The following SLIT3 variants were observed in gnomAD, a reference collection of about 807,000 sequenced individuals.
SLIT3 encodes slit guidance ligand 3, also known as slit homolog 3 protein.
Under a neutral mutation model 184.0 loss-of-function variants are expected in SLIT3, and 68 were observed. The observed-to-expected ratio is 0.37, with a 90% confidence interval of 0.30 to 0.45. SLIT3 has a LOEUF of 0.45. SLIT3 is among the 20% of genes least tolerant of loss of function. SLIT3 has a pLI of 1.00. For synonymous variants in SLIT3, 831 were observed against 828.6 expected (o/e 1.00, Z -0.05); for missense variants, 1,707 against 2,026.0 (o/e 0.84, Z 3.02).
intron 4 of SLIT3, among the ~76,000 whole-genome samples, chr5:169,006,221 T>C (rs1195575804): frequency 2.6e-5 from 4 of 152,212 alleles, no homozygotes; most frequent in Admixed American, 2.6e-4. Context: ...TCCTCTGAAT[T>C]TGGGTATATG....
intron 4 of SLIT3, among the ~76,000 whole-genome samples, chr5:169,157,044 C>G (rs569070181): frequency 6.6e-6 from 1 of 152,100 alleles, no homozygotes; most frequent in Non-Finnish European, 1.5e-5. Flanking sequence ...TGGCCCCCCC[C>G]ACCTCCACCA....
chr5:169,168,090 C>T (rs1190793936), intron 4 of SLIT3, among the ~76,000 whole-genome samples: 6 of 152,126 alleles, frequency 3.9e-5, no homozygotes, highest in Non-Finnish European at 7.3e-5. Flanking sequence ...GTGGGAGCTC[C>T]TCCCCATCTC....
intron 3 of SLIT3, among the ~76,000 whole-genome samples, chr5:169,202,510 C>T (rs1052212780): frequency 6.6e-6 from 1 of 152,172 alleles, no homozygotes; most frequent in African/African-American, 2.4e-5. Context: ...GTCTCTTGGA[C>T]ACTAAAACCT....
intron 3 of SLIT3, among the ~76,000 whole-genome samples, chr5:169,243,504 G>A (rs1264742231): frequency 6.6e-6 from 1 of 152,104 alleles, no homozygotes; most frequent in African/African-American, 2.4e-5. Context: ...ACATATGCTG[G>A]GATTTGACCC....
rs150811275 is a variant in SLIT3 at position 169,194,400 on chromosome 5, A to G, written c.342-850T>C. The stretch of plus-strand genomic sequence containing the variant: ...CACCTTGGACTGAGGAACAAAATGG[A>G]ATTCTGGCCATCTTGGCTCTGTGGA... On this transcript the variant is annotated intron_variant, in intron 3 of 35. Coordinates refer to ENST00000519560, the MANE Select transcript of SLIT3 (RefSeq NM_003062.4). Among the ~76,000 whole-genome samples the G allele has an allele frequency of 4.6e-5, 7 of 152,238 alleles. No homozygotes were observed. The East Asian group carries it at 1.4e-3, about 29-fold the overall frequency.
At chr5:168,668,141 C>T (rs1183925570) in intron 35 of SLIT3, among the ~76,000 whole-genome samples, 1 of 152,134 alleles carries the variant, frequency 6.6e-6, no homozygotes, top group Non-Finnish European at 1.5e-5. Flanking sequence ...GGAGAAAGAT[C>T]CCCCAAGGTA....
At chr5:169,229,213 T>TA (rs1356264182) in intron 3 of SLIT3, among the ~76,000 whole-genome samples, 1 of 148,546 alleles carries the variant, frequency 6.7e-6, no homozygotes, top group Non-Finnish European at 1.5e-5. Flanking sequence ...ATCCTTCAGC[T>TA]ATTTTTTTTT....
chr5:169,085,640 T>A (rs1399750712), intron 4 of SLIT3, among the ~76,000 whole-genome samples: 27 of 152,210 alleles, frequency 1.8e-4, no homozygotes, highest in Admixed American at 1.8e-3. Context: ...GAATCAGAAC[T>A]GTTTGGTGTC....
chr5:169,064,924 G>A (rs993747434), intron 4 of SLIT3, among the ~76,000 whole-genome samples: 3 of 152,148 alleles, frequency 2.0e-5, no homozygotes, highest in African/African-American at 7.2e-5. Context: ...TGGCAGTTTC[G>A]AAACTAGAAC....
At chr5:169,264,581 C>T (rs79966586) in intron 1 of SLIT3, among the ~76,000 whole-genome samples, 9,222 of 152,184 alleles carry the variant, frequency 0.061, 434 homozygotes, top group East Asian at 0.26. Context: ...GTCCAAAGGA[C>T]CTAATGCCAC....
chr5:168,847,761 C>G (rs1321386557), intron 5 of SLIT3, among the ~76,000 whole-genome samples: 1 of 152,172 alleles, frequency 6.6e-6, no homozygotes, highest in Non-Finnish European at 1.5e-5. Flanking sequence ...ACACAGAGAA[C>G]CTTCCGAAGC....
chr5:169,298,128 A>C (rs911523790), intron 1 of SLIT3, among the ~76,000 whole-genome samples: 1 of 152,102 alleles, frequency 6.6e-6, no homozygotes, highest in African/African-American at 2.4e-5. Context: ...GCTCCTACAG[A>C]CTGTCCCCCA....
chr5:168,914,753 G>GAA (rs764653885), intron 4 of SLIT3, among the ~76,000 whole-genome samples: 3,593 of 152,012 alleles, frequency 0.024, 54 homozygotes, highest in Middle Eastern at 0.068. Context: ...TGGACTTGGG[G>GAA]CTACAAACTC....
chr5:168,756,423 A>G (rs1044201978), intron 16 of SLIT3, among the ~76,000 whole-genome samples: 1 of 152,188 alleles, frequency 6.6e-6, no homozygotes, highest in East Asian at 1.9e-4. Context: ...GGTGTGGAGG[A>G]AACAGCCGGT....
rs927544270 is a variant in SLIT3 at position 168,710,835 on chromosome 5, G to T, written c.2719+60C>A. The T allele has an allele frequency of 9.6e-6, 13 of 1,354,912 alleles. No homozygotes were observed. In the African/African-American group the frequency reaches 1.2e-4, roughly 12 times the overall value. 83.9% of individuals were successfully genotyped at this position (1,354,912 alleles called of 1,614,324 possible). A position where few individuals can be genotyped will look rare whatever the true frequency, so the allele number is the denominator to read the frequency against. On this transcript the variant is annotated intron_variant, in intron 25 of 35. Coordinates refer to ENST00000519560, the MANE Select transcript of SLIT3 (RefSeq NM_003062.4). Reference sequence around the variant, plus strand: ...TTGAGATACCCTGCTCTGACAGGTTGCTGGGAACACAGCAGACCCCAAGAG... The same window carrying T: ...TTGAGATACCCTGCTCTGACAGGTTTCTGGGAACACAGCAGACCCCAAGAG...
At chr5:169,175,356 C>G (rs1451187421) in intron 4 of SLIT3, among the ~76,000 whole-genome samples, 1 of 152,120 alleles carries the variant, frequency 6.6e-6, no homozygotes, top group Non-Finnish European at 1.5e-5. Context: ...CTGCGGTTTC[C>G]CCTCTTCCCA....
chr5:168,728,939 A>C (rs1441570538), intron 20 of SLIT3, among the ~76,000 whole-genome samples: 1 of 149,624 alleles, frequency 6.7e-6, no homozygotes, highest in African/African-American at 2.4e-5. Flanking sequence ...AAAGAAACAA[A>C]AAAAAAAGCC....
chr5:168,855,482 C>T (rs1233930815), intron 5 of SLIT3, among the ~76,000 whole-genome samples: 1 of 152,164 alleles, frequency 6.6e-6, no homozygotes, highest in Non-Finnish European at 1.5e-5. Context: ...TGTCTGTCAG[C>T]GGATGAGTGG....
intron 4 of SLIT3, among the ~76,000 whole-genome samples, chr5:169,144,298 C>T (rs942511121): frequency 4.6e-5 from 7 of 152,146 alleles, no homozygotes; most frequent in Non-Finnish European, 8.8e-5. Context: ...GAGTTCCACT[C>T]CCGATCTCGG....
Sources: allele counts gnomAD v4.1 joint callset (sites outside exome capture counted in the v4.1 genomes callset), GRCh38; gene constraint gnomAD v4.1.1; transcripts MANE v1.5; gene names NCBI Gene and HGNC (gene_info 2026-07-23, HGNC 2026-07-21).